Variants in ATP6V1H observed in about 807,000 individuals in gnomAD.
ATP6V1H encodes ATPase H+ transporting V1 subunit H, also known as V-type proton ATPase subunit H.
ATP6V1H carries 39 observed loss-of-function variants against 71.7 expected under a neutral mutation model. That is an observed-to-expected ratio of 0.54 (90% CI 0.42 to 0.71). ATP6V1H has a LOEUF of 0.71. Ranked by LOEUF, ATP6V1H falls within the 30% of genes least tolerant of loss-of-function variation. The probability of loss-of-function intolerance (pLI) is 0.00; values close to 1 mark genes in which losing one functional copy is unlikely to be tolerated. For missense variants in ATP6V1H, 509 were observed against 594.9 expected (o/e 0.86, Z 1.50); for synonymous variants, 192 against 199.3 (o/e 0.96, Z 0.31).
chr8:53,728,253 A>C (rs776023472), intron 13 of ATP6V1H, among the ~76,000 whole-genome samples: 10 of 152,090 alleles, frequency 6.6e-5, no homozygotes, highest in African/African-American at 1.2e-4. Flanking sequence ...TCACCCCTTC[A>C]GCCTCCATCC....
intron 12 of ATP6V1H, among the ~76,000 whole-genome samples, chr8:53,755,061 T>C (rs1807954928): frequency 2.0e-5 from 3 of 152,198 alleles, no homozygotes; most frequent in Admixed American, 2.0e-4. Flanking sequence ...GGCCATGGTA[T>C]AGCAGTGAGA....
intron 13 of ATP6V1H, among the ~76,000 whole-genome samples, chr8:53,717,206 G>A (rs1806454250): frequency 1.3e-5 from 2 of 152,356 alleles, no homozygotes; most frequent in South Asian, 4.1e-4. Context: ...CACCTGAGCT[G>A]CTCTCCCCCT....
chr8:53,762,648 A>C (rs1336070223), intron 11 of ATP6V1H, among the ~76,000 whole-genome samples: 1 of 152,214 alleles, frequency 6.6e-6, no homozygotes, highest in Non-Finnish European at 1.5e-5. Flanking sequence ...GAATAGAACA[A>C]AGAATTCATA....
intron 9 of ATP6V1H, among the ~76,000 whole-genome samples, chr8:53,784,540 G>T (rs1436133505): frequency 2.6e-5 from 4 of 152,210 alleles, no homozygotes; most frequent in Admixed American, 6.5e-5. Context: ...CATTTACATT[G>T]AAGGTTAATA....
intron 10 of ATP6V1H, among the ~76,000 whole-genome samples, chr8:53,771,696 C>T (rs1250047957): frequency 2.0e-5 from 3 of 152,198 alleles, no homozygotes; most frequent in Non-Finnish European, 4.4e-5. Flanking sequence ...CTTAAAAAGA[C>T]TCTAAGAGAA....
rs201078110 is a variant in ATP6V1H at position 53,767,521 on chromosome 8, C to CT, written c.1175+2096dup. Among the ~76,000 whole-genome samples, 934 of 151,434 alleles carry CT rather than the reference C, an allele frequency of 6.2e-3. 8 individuals are homozygous for CT. Among genetic ancestry groups the CT allele is most frequent in the African/African-American group, 0.021 (874 of 41,308 alleles). ...GAGACTCATTAAATAAAGATACACT[C>CT]TTTTTTTTTATAAAAAGAAAAAAGG... On this transcript the variant is annotated intron_variant, in intron 11 of 13. Coordinates refer to ENST00000359530, the MANE Select transcript of ATP6V1H (RefSeq NM_015941.4).
At chr8:53,822,086 A>G (rs945011068) in intron 4 of ATP6V1H, among the ~76,000 whole-genome samples, 3 of 152,238 alleles carry the variant, frequency 2.0e-5, no homozygotes, top group African/African-American at 7.2e-5. Context: ...GGTGTTCAAC[A>G]GAGAACAGAC....
intron 9 of ATP6V1H, among the ~76,000 whole-genome samples, chr8:53,782,496 A>G (rs949095304): frequency 1.3e-5 from 2 of 152,030 alleles, no homozygotes; most frequent in Non-Finnish European, 2.9e-5. Context: ...AACAGGGACA[A>G]TTTGACTTCC....
At chr8:53,743,743 G>A (rs1416926663) in intron 12 of ATP6V1H, 53 bp from the exon 13 acceptor site, 10 of 1,325,220 alleles carry the variant, frequency 7.5e-6, no homozygotes, top group Non-Finnish European at 1.1e-5. Context: ...CAAATTCACA[G>A]TTTGTAAGCA....
chr8:53,768,289 G>A (rs1323622250), intron 11 of ATP6V1H, among the ~76,000 whole-genome samples: 4 of 152,124 alleles, frequency 2.6e-5, no homozygotes, highest in South Asian at 4.1e-4. Flanking sequence ...CATAATAAAC[G>A]TTGGCAAAGA....
rs116733188 is a variant in ATP6V1H, at chr8:53,838,677, G to A, written c.113+2901C>T. On this transcript the variant is annotated intron_variant, in intron 2 of 13. Transcript: ENST00000359530. Reference sequence around the variant, plus strand: ...CTCAAGGTAGTTTTACCAGATTCCAGTTTGACTAGAACACAGCCATACCCA... The same window carrying A: ...CTCAAGGTAGTTTTACCAGATTCCAATTTGACTAGAACACAGCCATACCCA... 3.2e-3 allele frequency among the ~76,000 whole-genome samples: 480 copies of A among 152,148 alleles called. 3 individuals carry two copies. The highest frequency in any genetic ancestry group is 0.011 in the African/African-American group (457 of 41,500).
At chr8:53,718,220 C>A (rs78151389) in intron 13 of ATP6V1H, among the ~76,000 whole-genome samples, 1 of 152,264 alleles carries the variant, frequency 6.6e-6, no homozygotes, top group East Asian at 1.9e-4. Flanking sequence ...AAGAAACACT[C>A]TTGAAGTGGG....
intron 12 of ATP6V1H, among the ~76,000 whole-genome samples, chr8:53,754,853 T>C (rs1807941739): frequency 6.6e-6 from 1 of 152,038 alleles, no homozygotes; most frequent in Admixed American, 6.6e-5. Context: ...AATAATTGAG[T>C]CCTTATTTTA....
intron 2 of ATP6V1H, among the ~76,000 whole-genome samples, chr8:53,834,527 G>A (rs979249510): frequency 1.3e-5 from 2 of 152,174 alleles, no homozygotes; most frequent in African/African-American, 2.4e-5. Context: ...CTGGGTTCAA[G>A]CCATTCTCCT....
chr8:53,785,499 C>T (rs529410654), intron 9 of ATP6V1H, among the ~76,000 whole-genome samples: 176 of 152,260 alleles, frequency 1.2e-3, no homozygotes, highest in African/African-American at 3.7e-3. Flanking sequence ...TCCTTTAGCT[C>T]GGAGTAGTTC....
At chr8:53,748,824 T>C (rs1413497992) in intron 12 of ATP6V1H, among the ~76,000 whole-genome samples, 1 of 152,248 alleles carries the variant, frequency 6.6e-6, no homozygotes, top group Non-Finnish European at 1.5e-5. Flanking sequence ...CTTTTCATGA[T>C]GACTATAAGT....
intron 6 of ATP6V1H, among the ~76,000 whole-genome samples, chr8:53,811,826 G>T (rs906646168): frequency 4.6e-5 from 7 of 152,178 alleles, no homozygotes; most frequent in African/African-American, 1.7e-4. Context: ...ATGAAGTACA[G>T]GCATGAGTCC....
At chr8:53,820,981 CA>C (rs749738155) in intron 4 of ATP6V1H, among the ~76,000 whole-genome samples, 184 of 54,398 alleles carry the variant, frequency 3.4e-3, no homozygotes, top group Middle Eastern at 0.011. Context: ...AACTCTGTCT[CA>C]AAAAAAAAAA....
rs1476623972 is a variant in ATP6V1H at position 53,772,104 on chromosome 8, A to T, written c.934T>A (p.Cys312Ser). 6.2e-7 allele frequency: 1 copy of T among 1,614,046 alleles called. No homozygotes were observed. Among genetic ancestry groups the T allele is most frequent in the Admixed American group, 1.7e-5 (1 of 60,030 alleles). ...RQEYALAMIQ[C>S]KVLKQLENLE... ...TTCTCCAACTGTTTCAGAACTTTGCACTGAATCATAGCCAGGGCATATTCT... is the reference window on the plus strand; with the variant it reads ...TTCTCCAACTGTTTCAGAACTTTGCTCTGAATCATAGCCAGGGCATATTCT... The change falls in exon 10 of 14, where the codon TGC becomes AGC. Residue 312 changes from cysteine to serine, a missense_variant. By Grantham distance (112) the Cys-to-Ser change is moderately radical. This residue lies in a region of ATP6V1H where 212 missense variants were observed against 291.6 expected (regional missense o/e 0.73). Transcript: ENST00000359530.
Sources: allele counts gnomAD v4.1 joint callset (sites outside exome capture counted in the v4.1 genomes callset), GRCh38; gene constraint gnomAD v4.1.1; regional missense constraint gnomAD v4.1.1; transcripts MANE v1.5; gene names NCBI Gene and HGNC (gene_info 2026-07-23, HGNC 2026-07-21).